The following PRKG1 variants were observed in gnomAD, a reference collection of about 807,000 sequenced individuals.
PRKG1 encodes protein kinase cGMP-dependent 1.
PRKG1 carries 35 observed loss-of-function variants against 88.1 expected under a neutral mutation model. The observed-to-expected ratio is 0.40, with a 90% CI of 0.30 to 0.53. The LOEUF is 0.53. Ranked by LOEUF, PRKG1 falls within the 20% of genes least tolerant of loss-of-function variation. The probability of loss-of-function intolerance (pLI) is 0.59; values close to 1 mark genes in which losing one functional copy is unlikely to be tolerated. For missense variants in PRKG1, 540 were observed against 839.8 expected (o/e 0.64, Z 4.41); for synonymous variants, 303 against 292.5 (o/e 1.04, Z -0.37).
chr10:52,172,363 C>T (rs964529008), intron 9 of PRKG1, among the ~76,000 whole-genome samples: 1 of 152,138 alleles, frequency 6.6e-6, no homozygotes, highest in Admixed American at 6.5e-5. Context: ...TCCTTTCCAC[C>T]ATTGCTGTAT....
chr10:51,710,852 AT>A (rs1004344441), intron 3 of PRKG1, among the ~76,000 whole-genome samples: 2 of 151,766 alleles, frequency 1.3e-5, no homozygotes, highest in Non-Finnish European at 2.9e-5. Context: ...GGCGGGAAAT[AT>A]TTTTATTTAA....
intron 7 of PRKG1, among the ~76,000 whole-genome samples, chr10:52,064,720 C>G (rs969355388): frequency 1.3e-5 from 2 of 152,166 alleles, no homozygotes; most frequent in Admixed American, 1.3e-4. Context: ...TGCAGTGGTA[C>G]CCAGGGAGCT....
chr10:51,837,561 C>T (rs944091379), intron 4 of PRKG1, among the ~76,000 whole-genome samples: 1 of 152,100 alleles, frequency 6.6e-6, no homozygotes, highest in Non-Finnish European at 1.5e-5. Context: ...CCTACTAGAA[C>T]TTTATTCCCT....
intron 2 of PRKG1, among the ~76,000 whole-genome samples, chr10:51,373,840 G>A (rs1018998949): frequency 2.6e-5 from 4 of 151,604 alleles, no homozygotes; most frequent in African/African-American, 9.7e-5. Context: ...GTCTCTTTTC[G>A]TTTTTTAAAA....
chr10:51,721,068 C>G (rs1247482969), intron 3 of PRKG1, among the ~76,000 whole-genome samples: 1 of 151,748 alleles, frequency 6.6e-6, no homozygotes, highest in African/African-American at 2.4e-5. Context: ...AACCAATTAG[C>G]TGGGCATGGT....
At chr10:51,565,607 G>A (rs990988688) in intron 3 of PRKG1, among the ~76,000 whole-genome samples, 1 of 152,036 alleles carries the variant, frequency 6.6e-6, no homozygotes, top group South Asian at 2.1e-4. Flanking sequence ...GTATTAAAGT[G>A]GATATGAACT....
At chr10:51,582,997 G>A (rs561939653) in intron 3 of PRKG1, among the ~76,000 whole-genome samples, 66 of 152,248 alleles carry the variant, frequency 4.3e-4, no homozygotes, top group African/African-American at 1.5e-3. Context: ...TAGTGATGTA[G>A]CTGGCAAGAC....
intron 2 of PRKG1, among the ~76,000 whole-genome samples, chr10:51,379,090 T>C (rs1198532164): frequency 6.6e-6 from 1 of 152,180 alleles, no homozygotes; most frequent in East Asian, 1.9e-4. Context: ...TAAGGCACCT[T>C]ACTAAACTTC....
At chr10:51,885,385 G>C (rs2132890480) in intron 4 of PRKG1, among the ~76,000 whole-genome samples, 1 of 152,342 alleles carries the variant, frequency 6.6e-6, no homozygotes. Flanking sequence ...ACCTTATAAT[G>C]TATTTTCTCA....
intron 7 of PRKG1, among the ~76,000 whole-genome samples, chr10:52,098,767 G>C (rs979279287): frequency 6.6e-6 from 1 of 152,188 alleles, no homozygotes; most frequent in Non-Finnish European, 1.5e-5. Context: ...ACCTAAATGA[G>C]TGTTAGGAGG....
chr10:51,715,414 C>A (rs1161159772), intron 3 of PRKG1, among the ~76,000 whole-genome samples: 1 of 152,156 alleles, frequency 6.6e-6, no homozygotes, highest in East Asian at 1.9e-4. Context: ...GGACAGAGAG[C>A]CCTGGAATCT....
chr10:51,297,569 G>C (rs1331779673), intron 2 of PRKG1, among the ~76,000 whole-genome samples: 1 of 151,986 alleles, frequency 6.6e-6, no homozygotes. Context: ...TTTAGGTTTG[G>C]GTAATAGCTG....
At chr10:51,936,576 G>GA in intron 5 of PRKG1, among the ~76,000 whole-genome samples, 1 of 151,976 alleles carries the variant, frequency 6.6e-6, no homozygotes, top group Non-Finnish European at 1.5e-5. Flanking sequence ...CAGGACTTGT[G>GA]AAAAATCTCC....
At chr10:51,916,337 C>T (rs913329351) in intron 5 of PRKG1, among the ~76,000 whole-genome samples, 4 of 152,172 alleles carry the variant, frequency 2.6e-5, no homozygotes, top group African/African-American at 7.2e-5. Flanking sequence ...TGCTATACTC[C>T]CACCAGCACC....
intron 9 of PRKG1, among the ~76,000 whole-genome samples, chr10:52,208,391 A>C (rs1216565098): frequency 6.6e-6 from 1 of 152,226 alleles, no homozygotes; most frequent in East Asian, 1.9e-4. Flanking sequence ...GACAAGACCT[A>C]TTCTGCAAAC....
intron 2 of PRKG1, among the ~76,000 whole-genome samples, chr10:51,328,109 A>G (rs572377678): frequency 9.1e-4 from 139 of 152,280 alleles, no homozygotes; most frequent in Non-Finnish European, 1.8e-3. Context: ...CCTTCGACCA[A>G]TATCTTCTCA....
At chr10:51,673,115 T>G (rs1486769601) in intron 3 of PRKG1, among the ~76,000 whole-genome samples, 1 of 152,204 alleles carries the variant, frequency 6.6e-6, no homozygotes, top group East Asian at 1.9e-4. Context: ...TTATTCATTC[T>G]TTTGTTTAAT....
rs561283445 is a variant in PRKG1 at position 51,597,573 on chromosome 10, G to A, written c.592+129737G>A. Among the ~76,000 whole-genome samples the A allele has an allele frequency of 4.6e-5, 7 of 152,184 alleles. No homozygotes were observed. In the South Asian group the frequency reaches 8.3e-4, roughly 18 times the overall value. On this transcript the variant is annotated intron_variant, in intron 3 of 17. Coordinates refer to ENST00000373980, the MANE Select transcript of PRKG1 (RefSeq NM_006258.4). ...ACATTGAATGAAGCTTCTGGTTAGC[G>A]GGTTGCTCATTTGTCAGTTTTTCCA... is the stretch of plus-strand genomic sequence containing the variant.
chr10:51,622,834 C>T (rs571522754), intron 3 of PRKG1, among the ~76,000 whole-genome samples: 1 of 152,278 alleles, frequency 6.6e-6, no homozygotes, highest in African/African-American at 2.4e-5. Context: ...GCTTCACTTT[C>T]TCAAATTCCA....
Sources: allele counts gnomAD v4.1 joint callset (sites outside exome capture counted in the v4.1 genomes callset), GRCh38; gene constraint gnomAD v4.1.1; transcripts MANE v1.5; gene names NCBI Gene and HGNC (gene_info 2026-07-23, HGNC 2026-07-21).